VPS13A: variants seen among roughly 807,000 people sequenced by gnomAD.
VPS13A encodes intermembrane lipid transfer protein VPS13A.
VPS13A carries 264 observed loss-of-function variants against 390.9 expected under a neutral mutation model. The observed-to-expected ratio is 0.68, with a 90% CI of 0.61 to 0.75. The LOEUF is 0.75. Among genes scored for constraint, VPS13A ranks in the 30% least tolerant of loss-of-function variants. The pLI, the probability that VPS13A is intolerant of heterozygous loss-of-function variation, is 0.00. For synonymous variants in VPS13A, 1,231 were observed against 1,227.1 expected (o/e 1.00, Z -0.07); for missense variants, 3,409 against 3,733.9 (o/e 0.91, Z 2.27).
intron 42 of VPS13A, 74 bp downstream of exon 42, chr9:77,319,747 AT>A: frequency 1.2e-6 from 1 of 850,844 alleles, no homozygotes; most frequent in Non-Finnish European, 1.8e-6. Context: ...TTAAGAACAG[AT>A]TTAGGTTCAC....
chr9:77,293,156 T>C (rs575305228), intron 31 of VPS13A, among the ~76,000 whole-genome samples, 185 bp from the exon 32 acceptor site: 1 of 152,294 alleles, frequency 6.6e-6, no homozygotes, highest in South Asian at 2.1e-4. Context: ...CACCAATTTG[T>C]AAAAGTTTGT....
At chr9:77,195,202 G>C (rs1425847780) in intron 1 of VPS13A, among the ~76,000 whole-genome samples, 3 of 152,002 alleles carry the variant, frequency 2.0e-5, no homozygotes, top group African/African-American at 7.2e-5. Flanking sequence ...CGGCTCACTG[G>C]AAACTCCGCT....
intron 51 of VPS13A, 122 bp downstream of exon 51, chr9:77,344,403 G>T (rs1158330230): frequency 3.6e-6 from 4 of 1,104,446 alleles, no homozygotes; most frequent in Admixed American, 2.4e-5. Context: ...CCCCAAAAAC[G>T]AACAAACATT....
In VPS13A at chr9:77,420,614, CCTG is replaced by C. The variant is rs1485917952; in HGVS notation, c.*4611_*4613del. On this transcript the variant is annotated 3_prime_UTR_variant, in exon 72 of 72. Coordinates refer to ENST00000360280, the MANE Select transcript of VPS13A (RefSeq NM_033305.3). ...AATTAATTTATATTATAGTTTAACA[CCTG>C]CTATGATGATAGATATCACACTGCT... The C allele has an allele frequency of 2.0e-5, 3 of 151,950 alleles. No homozygotes were observed. The highest frequency in any genetic ancestry group is 6.6e-5 in the Admixed American group (1 of 15,256). 9.4% of individuals were successfully genotyped at this position (151,950 alleles called of 1,614,324 possible).
At chr9:77,213,952 A>G (rs1363639001) in intron 9 of VPS13A, among the ~76,000 whole-genome samples, 1 of 152,132 alleles carries the variant, frequency 6.6e-6, no homozygotes, top group Non-Finnish European at 1.5e-5. Flanking sequence ...TCTTTTGCAG[A>G]TAATAGGATT....
chr9:77,340,148 T>C lies in VPS13A; in HGVS notation c.6775-30T>C, dbSNP rs745568847. ...CAGGAATTTTTAAAGGTACCTAAAT[T>C]GTGATGTATTTGGAATATTTTTTTC... On this transcript the variant is annotated intron_variant, in intron 48 of 71. Transcript: ENST00000360280. The C allele has an allele frequency of 6.9e-6, 11 of 1,588,054 alleles. No individual in the cohort carries two copies. The South Asian group carries it at 1.1e-4, about 16-fold the overall frequency.
chr9:77,274,181 G>T (rs1372657034), intron 24 of VPS13A, among the ~76,000 whole-genome samples: 3 of 152,126 alleles, frequency 2.0e-5, no homozygotes, highest in Non-Finnish European at 4.4e-5. Flanking sequence ...TGTAATCCCA[G>T]CACTTTGGGA....
chr9:77,256,220 C>T (rs113184296), intron 22 of VPS13A, among the ~76,000 whole-genome samples: 7 of 151,944 alleles, frequency 4.6e-5, no homozygotes, highest in African/African-American at 1.7e-4. Context: ...GAGTTATTTT[C>T]TAATTTCCCT....
At chr9:77,210,152 C>T in intron 6 of VPS13A, among the ~76,000 whole-genome samples, 1 of 116,426 alleles carries the variant, frequency 8.6e-6, no homozygotes, top group Non-Finnish European at 1.7e-5. Context: ...CCTTCCTCCC[C>T]CCACCTCCCT....
At position 77,214,406 on chromosome 9, in the gene VPS13A, T is replaced by C. The variant is rs748595805; in HGVS notation, c.754+20T>C. The C allele has an allele frequency of 1.9e-6, 3 of 1,590,316 alleles. No homozygotes were observed. Among genetic ancestry groups the C allele is most frequent in the Non-Finnish European group, 2.6e-6 (3 of 1,159,100 alleles). ...ATTTTGGTAAGTACATTTTATAAGA[T>C]AAAAAAAGTAGTTAAAGTAATTGGT... On this transcript the variant is annotated intron_variant, in intron 10 of 71. Transcript: ENST00000360280.
In VPS13A at chr9:77,381,621, A is replaced by C. The variant is rs1348285797; in HGVS notation, c.9078-355A>C. On this transcript the variant is annotated intron_variant, in intron 67 of 71. Transcript: ENST00000360280. ...AAAGTTGCTGATAACTATACTTCACAGAAAACTCTTAGAAGCTTTCCGTAG... is the reference window on the plus strand; with the variant it reads ...AAAGTTGCTGATAACTATACTTCACCGAAAACTCTTAGAAGCTTTCCGTAG... Among the ~76,000 whole-genome samples, 5 of 152,162 alleles carry C rather than the reference A, an allele frequency of 3.3e-5. No homozygotes were observed. In the East Asian group the frequency reaches 9.6e-4, roughly 29 times the overall value.
At chr9:77,305,325 C>G (rs1192446399) in intron 34 of VPS13A, among the ~76,000 whole-genome samples, 2 of 152,112 alleles carry the variant, frequency 1.3e-5, no homozygotes, top group South Asian at 2.1e-4. Context: ...ATAATAATGG[C>G]TGCTTTAACT....
At chr9:77,236,988 C>G (rs1452506525) in intron 17 of VPS13A, among the ~76,000 whole-genome samples, 1 of 152,154 alleles carries the variant, frequency 6.6e-6, no homozygotes, top group Non-Finnish European at 1.5e-5. Context: ...CTCCTGAGTT[C>G]CAGAGATTCT....
At chr9:77,260,635 G>A (rs1016735265) in intron 23 of VPS13A, among the ~76,000 whole-genome samples, 4 of 151,980 alleles carry the variant, frequency 2.6e-5, no homozygotes, top group South Asian at 2.1e-4. Flanking sequence ...GCTTACAGAC[G>A]TGAGCCACCA....
Position 77,351,461 on chromosome 9 carries a change from A to G in VPS13A, c.7419+15A>G, listed in dbSNP as rs1563949572. On this transcript the variant is annotated intron_variant, in intron 53 of 71. Coordinates refer to ENST00000360280, the MANE Select transcript of VPS13A (RefSeq NM_033305.3). ...CACAGAAGGATGTAAGTATTGGGTT[A>G]TTATGGTGTTCCCAGCAGCCTTTTT... 1 of 1,611,882 alleles carries G rather than the reference A, an allele frequency of 6.2e-7. No homozygotes were observed. The highest frequency in any genetic ancestry group is 1.7e-5 in the Admixed American group (1 of 59,938).
At position 77,255,693 on chromosome 9, in the gene VPS13A, T is replaced by G. The variant is rs1587430185; in HGVS notation, c.2288+3341T>G. 3.3e-5 allele frequency among the ~76,000 whole-genome samples: 5 copies of G among 152,118 alleles called. No homozygotes were observed. The South Asian group carries it at 1.0e-3, about 32-fold the overall frequency. ...TTGATTACTGATTCAGTCTCCATAGTAGTTTATCCAGATTTTGTTTCTTCA... is the reference window on the plus strand; with the variant it reads ...TTGATTACTGATTCAGTCTCCATAGGAGTTTATCCAGATTTTGTTTCTTCA... On this transcript the variant is annotated intron_variant, in intron 22 of 71. Transcript: ENST00000360280.
intron 68 of VPS13A, among the ~76,000 whole-genome samples, chr9:77,392,900 T>C (rs931124836): frequency 6.6e-6 from 1 of 151,872 alleles, no homozygotes; most frequent in Non-Finnish European, 1.5e-5. Flanking sequence ...GCTGACTGAT[T>C]AGGATAGGGA....
At chr9:77,359,452 A>G in intron 58 of VPS13A, 50 bp downstream of exon 58, 2 of 1,451,218 alleles carry the variant, frequency 1.4e-6, no homozygotes, top group South Asian at 1.2e-5. Flanking sequence ...TTTGATTTAA[A>G]TATATGAATT....
intron 6 of VPS13A, 105 bp downstream of exon 6, chr9:77,209,637 G>C: frequency 1.4e-6 from 1 of 730,234 alleles, no homozygotes; most frequent in Non-Finnish European, 2.4e-6. Flanking sequence ...ATCCCAAAAG[G>C]TTACAGAGCT....
Sources: allele counts gnomAD v4.1 joint callset (sites outside exome capture counted in the v4.1 genomes callset), GRCh38; gene constraint gnomAD v4.1.1; transcripts MANE v1.5; gene names NCBI Gene and HGNC (gene_info 2026-07-23, HGNC 2026-07-21).